The following ADGRG6 variants were observed in gnomAD, a reference collection of about 807,000 sequenced individuals.
ADGRG6 encodes the protein G-protein coupled receptor 126.
A neutral mutation model predicts 142.4 loss-of-function variants in ADGRG6; 84 were observed. The observed-to-expected ratio is 0.59, with a 90% CI of 0.49 to 0.71. The LOEUF (loss-of-function observed/expected upper bound fraction) is 0.71. Among genes scored for constraint, ADGRG6 ranks in the 30% least tolerant of loss-of-function variants. The pLI is 0.00. For missense variants in ADGRG6, 1,367 were observed against 1,466.6 expected (o/e 0.93, Z 1.11); for synonymous variants, 521 against 520.5 (o/e 1.00, Z -0.01).
intron 6 of ADGRG6, 37 bp from the exon 7 acceptor site, chr6:142,390,221 A>G (rs1250522901): frequency 5.0e-6 from 5 of 1,008,040 alleles, no homozygotes; most frequent in South Asian, 1.5e-5. Context: ...AACTATAAAC[A>G]TATAATTAAT....
At chr6:142,432,440 C>A (rs1355147215) in intron 22 of ADGRG6, among the ~76,000 whole-genome samples, 1 of 152,058 alleles carries the variant, frequency 6.6e-6, no homozygotes, top group Non-Finnish European at 1.5e-5. Context: ...ATTATAAATA[C>A]AATACCTTAA....
At chr6:142,342,362 A>G (rs759832588) in intron 2 of ADGRG6, among the ~76,000 whole-genome samples, 3 of 152,146 alleles carry the variant, frequency 2.0e-5, no homozygotes, top group Non-Finnish European at 4.4e-5. Context: ...AGTGATGATG[A>G]TTATTCAAAA....
chr6:142,351,633 A>G (rs1202332687), intron 2 of ADGRG6, among the ~76,000 whole-genome samples: 1 of 152,140 alleles, frequency 6.6e-6, no homozygotes, highest in Non-Finnish European at 1.5e-5. Context: ...CATTCTGGTC[A>G]TTGGCCTTTG....
intron 12 of ADGRG6, among the ~76,000 whole-genome samples, chr6:142,402,264 A>G (rs1562368567): frequency 6.6e-6 from 1 of 152,292 alleles, no homozygotes; most frequent in East Asian, 1.9e-4. Flanking sequence ...TAGTAAGGAA[A>G]ATCTAGAGAA....
intron 2 of ADGRG6, among the ~76,000 whole-genome samples, chr6:142,321,724 T>C (rs1335640785): frequency 6.6e-6 from 1 of 152,122 alleles, no homozygotes; most frequent in Non-Finnish European, 1.5e-5. Flanking sequence ...TAAGATTCTC[T>C]GTGTTGATGG....
chr6:142,376,071 T>G (rs1482128285), intron 4 of ADGRG6, among the ~76,000 whole-genome samples: 2 of 152,206 alleles, frequency 1.3e-5, no homozygotes, highest in Non-Finnish European at 2.9e-5. Flanking sequence ...GCAGTAAATC[T>G]GCTTCATTTT....
chr6:142,384,215 G>A (rs934116401), intron 6 of ADGRG6, among the ~76,000 whole-genome samples: 10 of 151,924 alleles, frequency 6.6e-5, no homozygotes, highest in African/African-American at 2.4e-4. Context: ...AGTTTTAAAG[G>A]ATTTTATAAA....
At chr6:142,382,082 G>T in intron 5 of ADGRG6, 63 bp downstream of exon 5, 1 of 949,676 alleles carries the variant, frequency 1.1e-6, no homozygotes, top group Non-Finnish European at 1.6e-6. Context: ...TGGGTAATGT[G>T]GTTGTCATTG....
In ADGRG6 at chr6:142,381,985, G is replaced by C. The variant is rs1325334888; in HGVS notation, c.1104G>C (p.Leu368=). 1 of 1,607,588 alleles carries C rather than the reference G, an allele frequency of 6.2e-7. No homozygotes were observed. Among genetic ancestry groups the C allele is most frequent in the Non-Finnish European group, 8.5e-7 (1 of 1,176,024 alleles). ...SYLIPLPAAE[L]ASCADLGTLC... ...TGATCCCGCTCCCAGCAGCAGAACT[G>C]GCCAGCTGTGCAGACCTGGGGACCC... is the stretch of plus-strand genomic sequence containing the variant. Residue 368 remains leucine, a synonymous_variant, in exon 5 of 25, where the codon CTG becomes CTC. Coordinates refer to ENST00000367609, the MANE Select transcript of ADGRG6 (RefSeq NM_198569.3).
chr6:142,302,581 G>C, intron 1 of ADGRG6: 1 of 515,152 alleles, frequency 1.9e-6, no homozygotes. Context: ...CTCACATTTG[G>C]GCGGTGTAAA....
rs376157273 is a variant in ADGRG6, at chr6:142,415,771, A to G, written c.2670-25A>G. 65 of 1,567,318 alleles carry G rather than the reference A, an allele frequency of 4.1e-5. 1 individual carries two copies. Among genetic ancestry groups the G allele is most frequent in the Middle Eastern group, 3.3e-4 (2 of 5,990 alleles). On this transcript the variant is annotated intron_variant, in intron 19 of 24. Coordinates refer to ENST00000367609, the MANE Select transcript of ADGRG6 (RefSeq NM_198569.3). The stretch of plus-strand genomic sequence containing the variant: ...ATTGATATACAGTATTAGTTCTCTC[A>G]TAGATTCCTTTTTTCATTTTTTAGG...
At chr6:142,333,224 C>A (rs1039385363) in intron 2 of ADGRG6, among the ~76,000 whole-genome samples, 21 of 152,138 alleles carry the variant, frequency 1.4e-4, no homozygotes, top group African/African-American at 4.8e-4. Flanking sequence ...GTCATTCAAA[C>A]TCCTCTAGGG....
chr6:142,318,817 A>G (rs141556360), intron 2 of ADGRG6, among the ~76,000 whole-genome samples: 80 of 152,184 alleles, frequency 5.3e-4, no homozygotes, highest in African/African-American at 1.9e-3. Flanking sequence ...GGGTCTCTGC[A>G]GAAGAAGGTA....
chr6:142,443,301 C>T, intron 24 of ADGRG6, 36 bp from the exon 25 acceptor site: 1 of 1,507,960 alleles, frequency 6.6e-7, no homozygotes. Context: ...GCCACCAGCT[C>T]ATCTTGAACC....
intron 1 of ADGRG6, among the ~76,000 whole-genome samples, chr6:142,303,890 C>A (rs1179460808): frequency 1.3e-5 from 2 of 152,006 alleles, no homozygotes; most frequent in African/African-American, 4.8e-5. Flanking sequence ...CATTTGAATT[C>A]TTCGTGATTA....
At chr6:142,382,826 T>C (rs1180726940) in intron 5 of ADGRG6, among the ~76,000 whole-genome samples, 4 of 152,126 alleles carry the variant, frequency 2.6e-5, no homozygotes, top group Non-Finnish European at 5.9e-5. Context: ...TGACAGGGCT[T>C]AGAAGTGAGA....
At chr6:142,351,073 A>C (rs1057051113) in intron 2 of ADGRG6, among the ~76,000 whole-genome samples, 1 of 151,938 alleles carries the variant, frequency 6.6e-6, no homozygotes, top group Non-Finnish European at 1.5e-5. Context: ...GTCTCTACTA[A>C]AAAAGAAAAT....
In ADGRG6 at chr6:142,371,437, G is replaced by T. The variant is rs146853033; in HGVS notation, c.1069+644G>T. Among the ~76,000 whole-genome samples, 472 of 149,052 alleles carry T rather than the reference G, an allele frequency of 3.2e-3. 4 individuals carry two copies. The highest frequency in any genetic ancestry group is 0.011 in the African/African-American group (445 of 40,434). Reference sequence around the variant, plus strand: ...CTATCTCAGCCTCCCAAAGTGCTGGGATTACAGGTGTGAGCCACCCTGCCT... The same window carrying T: ...CTATCTCAGCCTCCCAAAGTGCTGGTATTACAGGTGTGAGCCACCCTGCCT... On this transcript the variant is annotated intron_variant, in intron 4 of 24. Transcript: ENST00000367609.
intron 2 of ADGRG6, among the ~76,000 whole-genome samples, chr6:142,338,023 T>TG (rs1779418344): frequency 2.8e-5 from 1 of 35,180 alleles, no homozygotes; most frequent in South Asian, 1.2e-3. Context: ...CTTTGTTTTT[T>TG]TTTTTTTTTT....
Sources: allele counts gnomAD v4.1 joint callset (sites outside exome capture counted in the v4.1 genomes callset), GRCh38; gene constraint gnomAD v4.1.1; transcripts MANE v1.5; gene names NCBI Gene and HGNC (gene_info 2026-07-23, HGNC 2026-07-21).